The following PRKDC variants were observed in gnomAD, a reference collection of about 807,000 sequenced individuals.
The protein encoded by PRKDC is protein kinase, DNA-activated, catalytic subunit, also known as DNA-dependent protein kinase catalytic subunit.
A neutral mutation model predicts 486.9 loss-of-function variants in PRKDC; 82 were observed. The ratio of observed to expected loss-of-function variants is 0.17; its 90% confidence interval spans 0.14 to 0.20. PRKDC has a LOEUF of 0.20. Among genes scored for constraint, PRKDC ranks in the 10% least tolerant of loss-of-function variants. The probability of loss-of-function intolerance (pLI) is 1.00; values close to 1 mark genes in which losing one functional copy is unlikely to be tolerated. For missense variants in PRKDC, 4,504 were observed against 5,038.2 expected, an observed-to-expected ratio of 0.89 and a Z score of 3.21; for synonymous variants, 1,895 against 1,837.0, an observed-to-expected ratio of 1.03 and a Z score of -0.81.
intron 16 of PRKDC, among the ~76,000 whole-genome samples, chr8:47,931,438 CAT>C (rs752309924): frequency 1.3e-5 from 2 of 151,308 alleles, no homozygotes; most frequent in Non-Finnish European, 2.9e-5. Context: ...AATGAACACA[CAT>C]GTTCTAAAAT....
Position 47,897,258 on chromosome 8 carries a change from A to T in PRKDC, c.3501T>A (p.Asp1167Glu). ...FPPSASLCLLDLVKWLLAHCG... is the reference protein window; with the variant it reads ...FPPSASLCLLELVKWLLAHCG... Reference sequence around the variant, plus strand: ...AATGAGCTAAAAGCCACTTGACCAGATCCAATAAACACAATGATGCGGAAG... The same window carrying T: ...AATGAGCTAAAAGCCACTTGACCAGTTCCAATAAACACAATGATGCGGAAG... Residue 1167 changes from aspartate (D) to glutamate (E), a missense_variant, in exon 30 of 86, where the codon GAT becomes GAA. Physicochemically the swap from Asp to Glu is conservative, Grantham distance 45. This residue lies in a region of PRKDC where 1,969 missense variants were observed against 2,068.9 expected (regional missense o/e 0.95). Transcript: ENST00000314191. 1 of 1,605,142 alleles carries T rather than the reference A, an allele frequency of 6.2e-7. No individual in the cohort carries two copies. The highest frequency in any genetic ancestry group is 8.5e-7 in the Non-Finnish European group (1 of 1,172,758).
At chr8:47,806,403 T>G (rs2154498453) in intron 69 of PRKDC, among the ~76,000 whole-genome samples, 1 of 152,338 alleles carries the variant, frequency 6.6e-6, no homozygotes, top group South Asian at 2.1e-4. Flanking sequence ...TGCCTGCCTC[T>G]AATTGGATTT....
intron 42 of PRKDC, 109 bp downstream of exon 42, chr8:47,863,290 A>G (rs1213818186): frequency 2.1e-6 from 2 of 932,072 alleles, no homozygotes; most frequent in Admixed American, 3.5e-5. Flanking sequence ...AAACTATAAA[A>G]GCTCAGTATC....
chr8:47,914,319 GT>G (rs1444908495), intron 23 of PRKDC, among the ~76,000 whole-genome samples: 1 of 151,902 alleles, frequency 6.6e-6, no homozygotes, highest in Admixed American at 6.6e-5. Context: ...TTCAGTAAGA[GT>G]TACTTAAAGT....
At chr8:47,911,005 T>C (rs931199402) in intron 25 of PRKDC, among the ~76,000 whole-genome samples, 9 of 152,260 alleles carry the variant, frequency 5.9e-5, no homozygotes, top group Non-Finnish European at 1.0e-4. Flanking sequence ...TATCAGCTGA[T>C]ATGCTTACTC....
chr8:47,890,669 A>T (rs1270297181), intron 31 of PRKDC, among the ~76,000 whole-genome samples, 189 bp from the exon 32 acceptor site: 1 of 152,254 alleles, frequency 6.6e-6, no homozygotes, highest in Non-Finnish European at 1.5e-5. Context: ...CAAAGGACAC[A>T]TTGATGGAAA....
At chr8:47,800,330 T>C (rs1173408557) in intron 71 of PRKDC, among the ~76,000 whole-genome samples, 4 of 151,946 alleles carry the variant, frequency 2.6e-5, no homozygotes, top group Non-Finnish European at 4.4e-5. Context: ...AAATTGGAAA[T>C]CATCATTCTC....
At chr8:47,827,654 G>C (rs1212422304) in intron 62 of PRKDC, among the ~76,000 whole-genome samples, 2 of 152,162 alleles carry the variant, frequency 1.3e-5, no homozygotes, top group Non-Finnish European at 2.9e-5. Flanking sequence ...TATTACTCAA[G>C]TACTATGACA....
intron 74 of PRKDC, among the ~76,000 whole-genome samples, chr8:47,793,943 T>A (rs751522450): frequency 2.9e-4 from 44 of 152,194 alleles, no homozygotes; most frequent in Admixed American, 5.9e-4. Context: ...TGAGGCCATC[T>A]ACTGAGTCCT....
At chr8:47,791,979 G>C (rs147744229) in intron 74 of PRKDC, among the ~76,000 whole-genome samples, 3 of 152,240 alleles carry the variant, frequency 2.0e-5, no homozygotes, top group African/African-American at 7.2e-5. Flanking sequence ...TGAAGAAAAT[G>C]CAGTACATAC....
chr8:47,896,831 T>A lies in PRKDC; in HGVS notation c.3598+330A>T, dbSNP rs200378495. The stretch of plus-strand genomic sequence containing the variant: ...CTATCAAACCTAGGTTTGGACTTAA[T>A]GGACAAAACTGAGCAATACATTTAT... On this transcript the variant is annotated intron_variant, in intron 30 of 85. Transcript: ENST00000314191. Among the ~76,000 whole-genome samples, 9 of 152,290 alleles carry A rather than the reference T, an allele frequency of 5.9e-5. No individual in the cohort carries two copies. In the East Asian group the frequency reaches 1.7e-3, roughly 29 times the overall value.
chr8:47,877,941 T>C, intron 39 of PRKDC, 90 bp from the exon 40 acceptor site: 11 of 949,800 alleles, frequency 1.2e-5, no homozygotes, highest in Non-Finnish European at 1.5e-5. Flanking sequence ...ATAAAAAGTT[T>C]CTTATATAAT....
intron 67 of PRKDC, among the ~76,000 whole-genome samples, chr8:47,818,562 GA>G (rs1563750202): frequency 2.6e-5 from 3 of 115,482 alleles, no homozygotes; most frequent in Non-Finnish European, 4.9e-5. Flanking sequence ...CTGCGAAACA[GA>G]GTGAGACTCC....
At chr8:47,900,507 A>G in intron 27 of PRKDC, 40 bp from the exon 28 acceptor site, 2 of 1,481,464 alleles carry the variant, frequency 1.4e-6, no homozygotes, top group Non-Finnish European at 9.2e-7. Flanking sequence ...TAAGAAAACA[A>G]TAAAGCAGAA....
rs2086838657 is a variant in PRKDC at position 47,788,953 on chromosome 8, C to T, written c.10855G>A (p.Asp3619Asn). 4 of 1,611,846 alleles carry T rather than the reference C, an allele frequency of 2.5e-6. No individual in the cohort carries two copies. The East Asian group carries it at 6.7e-5, about 27-fold the overall frequency. ...MYERMYAALG[D>N]PKAPGLGAFR... Reference sequence around the variant, plus strand: ...GCCCCCAGGCCTGGAGCCTTTGGGTCACCCAAGGCTGCATACATTCTTTCA... The same window carrying T: ...GCCCCCAGGCCTGGAGCCTTTGGGTTACCCAAGGCTGCATACATTCTTTCA... Residue 3619 changes from aspartate to asparagine, a missense_variant, in exon 76 of 86, where the codon GAC becomes AAC. Physicochemically the swap from Asp to Asn is conservative, Grantham distance 23. Around this residue, in one of 6 missense-constraint regions of PRKDC, gnomAD observed 706 missense variants for 945.0 expected, o/e 0.75. Transcript: ENST00000314191.
rs764777087 is a variant in PRKDC, at chr8:47,888,647, A to C, written c.4284T>G (p.Ile1428Met). The C allele has an allele frequency of 2.7e-5, 43 of 1,577,996 alleles. No homozygotes were observed. The highest frequency in any genetic ancestry group is 2.7e-5 in the Non-Finnish European group (31 of 1,163,392). ...HLREKITAQS[I>M]EELCAVNLYG... ...ACAAGTTGACGGCACAAAGCTCCTC[A>C]ATGCTGGCCATGTGACAAAACAGTA... The change falls in exon 34 of 86, where the codon ATT becomes ATG. Residue 1428 changes from isoleucine (I) to methionine (M), a missense_variant. Ile to Met is a conservative substitution (Grantham distance 10). This residue lies in a region of PRKDC where 1,969 missense variants were observed against 2,068.9 expected (regional missense o/e 0.95). Coordinates refer to ENST00000314191, the MANE Select transcript of PRKDC (RefSeq NM_006904.7).
chr8:47,935,617 TCAAAAGTTGTGTCAAAGATA>T, intron 13 of PRKDC, 95 bp downstream of exon 13: 2 of 1,229,786 alleles, frequency 1.6e-6, no homozygotes, highest in African/African-American at 1.5e-5. Flanking sequence ...ATTTAGGAGT[TCAAAAGTTGTGTCAAAGATA>T]CAAAAGAATT....
intron 5 of PRKDC, 29 bp downstream of exon 5, chr8:47,954,309 T>C: frequency 1.0e-6 from 1 of 965,022 alleles, no homozygotes; most frequent in Non-Finnish European, 1.5e-6. Flanking sequence ...TGCTAAACTA[T>C]TTGAAAATAA....
intron 29 of PRKDC, 88 bp from the exon 30 acceptor site, chr8:47,897,382 A>G (rs1361331516): frequency 3.1e-5 from 39 of 1,272,650 alleles, no homozygotes; most frequent in Non-Finnish European, 3.8e-5. Flanking sequence ...ACTCATCTTT[A>G]TCACACAGAT....
Sources: allele counts gnomAD v4.1 joint callset (sites outside exome capture counted in the v4.1 genomes callset), GRCh38; gene constraint gnomAD v4.1.1; regional missense constraint gnomAD v4.1.1; transcripts MANE v1.5; gene names NCBI Gene and HGNC (gene_info 2026-07-23, HGNC 2026-07-21).